The following RAB31 variants were observed in gnomAD, a reference collection of about 807,000 sequenced individuals.
RAB31 encodes ras-related protein Rab-31.
A neutral mutation model predicts 25.6 loss-of-function variants in RAB31; 21 were observed. The observed-to-expected ratio is 0.82, with a 90% CI of 0.58 to 1.18. RAB31 has a LOEUF of 1.18. Among genes scored for constraint, RAB31 ranks in the 50% most tolerant of loss-of-function variants. RAB31 has a pLI of 0.00. For missense variants in RAB31, 196 were observed against 250.1 expected, an observed-to-expected ratio of 0.78 and a Z score of 1.46; for synonymous variants, 87 against 84.0, an observed-to-expected ratio of 1.04 and a Z score of -0.20.
chr18:9,835,058 C>A (rs2068697181), intron 5 of RAB31, among the ~76,000 whole-genome samples: 1 of 152,160 alleles, frequency 6.6e-6, no homozygotes, highest in Non-Finnish European at 1.5e-5. Context: ...TCCTCCCATC[C>A]CATGAAGTTA....
At chr18:9,771,651 C>T (rs925370403) in intron 1 of RAB31, among the ~76,000 whole-genome samples, 3 of 152,218 alleles carry the variant, frequency 2.0e-5, no homozygotes, top group Non-Finnish European at 1.5e-5. Flanking sequence ...CTCAGCAAAC[C>T]GCGGGTAGGG....
intron 5 of RAB31, among the ~76,000 whole-genome samples, chr18:9,821,791 G>A (rs1011632344): frequency 6.6e-6 from 1 of 152,120 alleles, no homozygotes; most frequent in Non-Finnish European, 1.5e-5. Flanking sequence ...AGTACAAAAT[G>A]TTGATGAAAG....
chr18:9,710,665 C>T (rs1276506203), intron 1 of RAB31, among the ~76,000 whole-genome samples: 1 of 152,028 alleles, frequency 6.6e-6, no homozygotes, highest in African/African-American at 2.4e-5. Context: ...CCAGCCTGGC[C>T]AACATGGTCA....
At chr18:9,803,528 T>TA (rs1303037709) in intron 3 of RAB31, among the ~76,000 whole-genome samples, 1 of 152,144 alleles carries the variant, frequency 6.6e-6, no homozygotes, top group Non-Finnish European at 1.5e-5. Flanking sequence ...TCCATGCCCC[T>TA]AGTAACTCTC....
At chr18:9,738,171 C>T (rs1015425947) in intron 1 of RAB31, among the ~76,000 whole-genome samples, 6 of 152,194 alleles carry the variant, frequency 3.9e-5, no homozygotes, top group South Asian at 2.1e-4. Context: ...GACCCCCTGG[C>T]GAGGAGCTAA....
chr18:9,800,674 T>C (rs1346414829), intron 3 of RAB31, among the ~76,000 whole-genome samples: 3 of 152,226 alleles, frequency 2.0e-5, no homozygotes, highest in African/African-American at 7.2e-5. Context: ...TCATCTTTTC[T>C]GGATAACCCA....
In RAB31 at chr18:9,859,230, C is replaced by T. The variant is rs147665641; in HGVS notation, c.493C>T (p.Arg165Cys). 3.9e-5 allele frequency: 63 copies of T among 1,612,680 alleles called. No homozygotes were observed. Among genetic ancestry groups the T allele is most frequent in the African/African-American group, 3.5e-4 (26 of 74,948 alleles). ...NIEELFQGIS[R>C]QIPPLDPHEN... ...CCTTGGCCTCCTTTTTGTTGCAGGC[C>T]GCCAGATCCCACCCTTGGACCCCCA... Residue 165 changes from arginine to cysteine, a missense_variant and splice_region_variant, in exon 7 of 7, where the codon CGC (arginine) becomes TGC (cysteine). Transcript: ENST00000578921.
chr18:9,792,332 G>A, intron 3 of RAB31, 97 bp downstream of exon 3: 5 of 1,485,528 alleles, frequency 3.4e-6, no homozygotes, highest in Non-Finnish European at 4.5e-6. Context: ...TTGGTTGCAG[G>A]TGACAGAAAC....
At position 9,775,307 on chromosome 18, in the gene RAB31, G is replaced by T. The variant is rs1480392021; in HGVS notation, c.69G>T (p.Val23=). The T allele has an allele frequency of 6.2e-7, 1 of 1,613,734 alleles. No individual in the cohort carries two copies. Among genetic ancestry groups the T allele is most frequent in the African/African-American group, 1.3e-5 (1 of 74,902 alleles). ...CTGGGGTTGGGAAATCAAGCATCGT[G>T]TGTCGATTTGTCCAGGATCACTTTG... ...GDTGVGKSSI[V]CRFVQDHFDH... The change falls in exon 2 of 7, where the codon GTG becomes GTT. Residue 23 remains valine (V), a synonymous_variant. Coordinates refer to ENST00000578921, the MANE Select transcript of RAB31 (RefSeq NM_006868.4).
intron 6 of RAB31, among the ~76,000 whole-genome samples, chr18:9,847,003 G>T (rs1198850198): frequency 6.6e-6 from 1 of 152,112 alleles, no homozygotes; most frequent in African/African-American, 2.4e-5. Context: ...AATGGTTTCA[G>T]GCTCCTTGCC....
At chr18:9,784,167 G>T (rs954177375) in intron 2 of RAB31, among the ~76,000 whole-genome samples, 2 of 151,838 alleles carry the variant, frequency 1.3e-5, no homozygotes, top group African/African-American at 4.8e-5. Flanking sequence ...TTCCTGAGTA[G>T]CTGGGACTAC....
chr18:9,763,194 A>C (rs1179536704), intron 1 of RAB31, among the ~76,000 whole-genome samples: 1 of 152,170 alleles, frequency 6.6e-6, no homozygotes, highest in Non-Finnish European at 1.5e-5. Context: ...CCTGGCCGTA[A>C]CATGTGTCCT....
At chr18:9,771,605 C>T (rs1199213754) in intron 1 of RAB31, among the ~76,000 whole-genome samples, 2 of 152,204 alleles carry the variant, frequency 1.3e-5, no homozygotes, top group African/African-American at 4.8e-5. Flanking sequence ...GCATTCCCAG[C>T]GCGGAGTGAC....
intron 1 of RAB31, among the ~76,000 whole-genome samples, chr18:9,737,309 A>G (rs2068155783): frequency 6.6e-6 from 1 of 151,808 alleles, no homozygotes; most frequent in Admixed American, 6.6e-5. Flanking sequence ...TGACACGTGC[A>G]CACACACACA....
intron 3 of RAB31, among the ~76,000 whole-genome samples, chr18:9,805,013 A>G (rs2068532859): frequency 6.6e-6 from 1 of 152,206 alleles, no homozygotes; most frequent in African/African-American, 2.4e-5. Context: ...AGATACTTGG[A>G]GGCTGAGATG....
chr18:9,751,577 T>A (rs554434079), intron 1 of RAB31, among the ~76,000 whole-genome samples: 35 of 152,332 alleles, frequency 2.3e-4, no homozygotes, highest in Middle Eastern at 3.4e-3. Flanking sequence ...TTTCCCAGAC[T>A]CTGCATGTCC....
intron 1 of RAB31, among the ~76,000 whole-genome samples, chr18:9,715,860 C>A (rs993492963): frequency 1.3e-5 from 2 of 152,090 alleles, no homozygotes; most frequent in South Asian, 4.1e-4. Flanking sequence ...TAATACTAAA[C>A]ATTTTTTTTT....
intron 1 of RAB31, among the ~76,000 whole-genome samples, chr18:9,720,875 T>A (rs966546226): frequency 2.6e-5 from 4 of 152,026 alleles, no homozygotes; most frequent in Middle Eastern, 3.4e-3. Context: ...TATAAAGGGG[T>A]CTTGCAGTTT....
At chr18:9,713,533 C>T (rs975070135) in intron 1 of RAB31, among the ~76,000 whole-genome samples, 7 of 152,172 alleles carry the variant, frequency 4.6e-5, no homozygotes, top group African/African-American at 1.7e-4. Context: ...TGATGGAATC[C>T]ATCAGGGTCC....
Sources: gnomAD v4.1 joint callset for allele counts (sites outside exome capture counted in the v4.1 genomes callset) on GRCh38, gnomAD v4.1.1 for gene constraint, MANE v1.5 for transcripts, NCBI Gene and HGNC (gene_info 2026-07-23, HGNC 2026-07-21) for gene names.